Variants in FIG4 observed in about 807,000 individuals in gnomAD.
FIG4 encodes FIG4 phosphoinositide 5-phosphatase, also known as polyphosphoinositide phosphatase.
FIG4 carries 112 observed loss-of-function variants against 118.6 expected under a neutral mutation model. The ratio of observed to expected loss-of-function variants is 0.94; its 90% CI spans 0.81 to 1.11. The LOEUF is 1.11. Ranked by LOEUF, FIG4 falls within the 50% of genes least tolerant of loss-of-function variation. FIG4 has a pLI of 0.00. For synonymous variants in FIG4, 369 were observed against 381.2 expected (o/e 0.97, Z 0.37); for missense variants, 969 against 1,111.7 (o/e 0.87, Z 1.83).
chr6:109,751,359 A>G (rs1776690077), intron 10 of FIG4, among the ~76,000 whole-genome samples: 1 of 152,164 alleles, frequency 6.6e-6, no homozygotes, highest in Admixed American at 6.5e-5. Flanking sequence ...CATCAGGGAT[A>G]TTGGCCTGAA....
chr6:109,698,055 A>AT (rs1774785899), intron 1 of FIG4, among the ~76,000 whole-genome samples: 2 of 151,710 alleles, frequency 1.3e-5, no homozygotes. Context: ...CATCTGGCTA[A>AT]TTTTTTGTAT....
intron 18 of FIG4, among the ~76,000 whole-genome samples, chr6:109,788,479 T>C (rs1028114819): frequency 2.0e-5 from 3 of 152,134 alleles, no homozygotes; most frequent in African/African-American, 7.2e-5. Context: ...GAGCAGAAAT[T>C]AAGAAGCGGA....
In FIG4 at chr6:109,765,111, A is replaced by C. The variant is rs767157443; in HGVS notation, c.1533A>C (p.Ser511=). The C allele has an allele frequency of 6.2e-7, 1 of 1,614,036 alleles. No individual in the cohort carries two copies. ...GTGCTCTGGCCTATCAGCTGTATTC[A>C]CTGGGACTGATTGACAAACCTAATC... ...GKCALAYQLY[S]LGLIDKPNLQ... is the part of the protein sequence containing the mutation. Residue 511 remains serine (S), a synonymous_variant, in exon 14 of 23, where the codon TCA becomes TCC. Transcript: ENST00000230124.
At chr6:109,755,004 T>G (rs1349284383) in intron 10 of FIG4, among the ~76,000 whole-genome samples, 1 of 152,120 alleles carries the variant, frequency 6.6e-6, no homozygotes. Flanking sequence ...GCTCTTGCTT[T>G]TCTAGTTCTT....
intron 22 of FIG4, among the ~76,000 whole-genome samples, chr6:109,815,586 G>A (rs967780041): frequency 3.6e-5 from 5 of 140,310 alleles, no homozygotes; most frequent in African/African-American, 1.3e-4. Context: ...TCTCCATGCA[G>A]ATTATACCCA....
intron 22 of FIG4, among the ~76,000 whole-genome samples, chr6:109,797,100 G>C (rs1217543011): frequency 6.6e-6 from 1 of 152,136 alleles, no homozygotes; most frequent in African/African-American, 2.4e-5. Flanking sequence ...TTCCAACCAT[G>C]AACTCTGCCC....
intron 17 of FIG4, 123 bp from the exon 18 acceptor site, chr6:109,786,179 C>T (rs1261486240): frequency 3.0e-5 from 23 of 775,514 alleles, no homozygotes; most frequent in South Asian, 2.1e-4. Context: ...AGCTTACCCT[C>T]GGTCAGGGCT....
chr6:109,703,844 G>A (rs1455866139), intron 1 of FIG4, among the ~76,000 whole-genome samples: 3 of 152,124 alleles, frequency 2.0e-5, no homozygotes, highest in African/African-American at 7.2e-5. Flanking sequence ...AGTCCACCTC[G>A]TGCTGGGGTT....
intron 6 of FIG4, 140 bp from the exon 7 acceptor site, chr6:109,738,185 T>C: frequency 1.4e-6 from 1 of 718,856 alleles, no homozygotes; most frequent in Non-Finnish European, 2.4e-6. Flanking sequence ...AGCATGTTAC[T>C]TTGAAGTTAA....
intron 10 of FIG4, among the ~76,000 whole-genome samples, chr6:109,755,036 C>G (rs1002436901): frequency 6.6e-6 from 1 of 151,942 alleles, no homozygotes; most frequent in African/African-American, 2.4e-5. Context: ...GTTAGGGTGT[C>G]AATTTTGGAT....
At chr6:109,812,734 A>C (rs541256356) in intron 22 of FIG4, among the ~76,000 whole-genome samples, 1 of 152,328 alleles carries the variant, frequency 6.6e-6, no homozygotes, top group East Asian at 1.9e-4. Flanking sequence ...AGAGAGCATC[A>C]GGAGTAGAAG....
At chr6:109,743,608 C>A in intron 9 of FIG4, 67 bp from the exon 10 acceptor site, 1 of 1,216,138 alleles carries the variant, frequency 8.2e-7, no homozygotes, top group South Asian at 1.2e-5. Flanking sequence ...AAAAAACAAC[C>A]CTATGCTTCT....
At chr6:109,764,069 G>A (rs1414873423) in intron 13 of FIG4, 87 bp downstream of exon 13, 1 of 846,176 alleles carries the variant, frequency 1.2e-6, no homozygotes, top group Non-Finnish European at 2.0e-6. Context: ...GGAAAGACCT[G>A]TATCTTATTT....
In FIG4 at chr6:109,782,893, T is replaced by C. The variant is rs112930861; in HGVS notation, c.1890-2077T>C. Among the ~76,000 whole-genome samples the C allele has an allele frequency of 7.9e-3, 1,206 of 152,362 alleles. 8 individuals carry two copies. The highest frequency in any genetic ancestry group is 0.012 in the Non-Finnish European group (835 of 68,030). On this transcript the variant is annotated intron_variant, in intron 16 of 22. Coordinates refer to ENST00000230124, the MANE Select transcript of FIG4 (RefSeq NM_014845.6). The stretch of plus-strand genomic sequence containing the variant: ...CACATCTCGATCTCATATTTGATTC[T>C]GTTATGTTGCTGGGATCAACATCAC...
At chr6:109,722,328 C>T (rs966136559) in intron 3 of FIG4, among the ~76,000 whole-genome samples, 1 of 151,922 alleles carries the variant, frequency 6.6e-6, no homozygotes, top group African/African-American at 2.4e-5. Flanking sequence ...GTGGCATGGC[C>T]GATAAGATTC....
At chr6:109,816,474 G>A (rs554260182) in intron 22 of FIG4, among the ~76,000 whole-genome samples, 12 of 152,272 alleles carry the variant, frequency 7.9e-5, no homozygotes, top group African/African-American at 2.6e-4. Flanking sequence ...GTAAAAGGAC[G>A]TTAGGCAAAA....
chr6:109,817,310 A>G (rs1189910554), intron 22 of FIG4, among the ~76,000 whole-genome samples: 1 of 152,190 alleles, frequency 6.6e-6, no homozygotes, highest in Non-Finnish European at 1.5e-5. Context: ...AATGCAGCCG[A>G]ATATTGGTGG....
intron 1 of FIG4, among the ~76,000 whole-genome samples, chr6:109,712,515 C>T (rs911380692): frequency 1.2e-4 from 19 of 152,116 alleles, no homozygotes; most frequent in African/African-American, 4.6e-4. Context: ...GAGATTCTTT[C>T]CTCCGCTTGG....
chr6:109,755,320 G>A (rs953679114), intron 10 of FIG4, among the ~76,000 whole-genome samples: 2 of 152,132 alleles, frequency 1.3e-5, no homozygotes, highest in Non-Finnish European at 2.9e-5. Flanking sequence ...TATAATTTCT[G>A]TTCTTTTACA....
Sources: allele counts gnomAD v4.1 joint callset (sites outside exome capture counted in the v4.1 genomes callset), GRCh38; gene constraint gnomAD v4.1.1; transcripts MANE v1.5; gene names NCBI Gene and HGNC (gene_info 2026-07-23, HGNC 2026-07-21).